Variants in DNAH8 observed in about 807,000 individuals in gnomAD.
The protein encoded by DNAH8 is axonemal beta dynein heavy chain 8.
In DNAH8, 382 loss-of-function variants were observed where a neutral mutation model predicts 562.1. That is an observed-to-expected ratio of 0.68 (90% CI 0.63 to 0.74). DNAH8 has a LOEUF of 0.74. DNAH8 is among the 30% of genes least tolerant of loss of function. DNAH8 has a pLI of 0.00. For missense variants in DNAH8, 5,203 were observed against 5,620.4 expected, an observed-to-expected ratio of 0.93 and a Z score of 2.37; for synonymous variants, 1,881 against 1,919.4, an observed-to-expected ratio of 0.98 and a Z score of 0.52.
rs1170029977 is a variant in DNAH8 at position 38,917,221 on chromosome 6, C to T, written c.10141-18C>T. On this transcript the variant is annotated intron_variant, in intron 68 of 92. Transcript: ENST00000327475. The stretch of plus-strand genomic sequence containing the variant: ...ACCACTCAACAAACAAAATATTGAT[C>T]CTTAATCCCAAATATAGACTATCAA... 6.5e-7 allele frequency: 1 copy of T among 1,538,838 alleles called. No individual in the cohort carries two copies. Among genetic ancestry groups the T allele is most frequent in the East Asian group, 2.3e-5 (1 of 43,200 alleles).
intron 28 of DNAH8, among the ~76,000 whole-genome samples, chr6:38,825,345 A>G (rs1773222997): frequency 6.6e-6 from 1 of 152,038 alleles, no homozygotes; most frequent in Non-Finnish European, 1.5e-5. Context: ...AGGGGTACTG[A>G]GAGGTAAAAG....
rs151265531 is a variant in DNAH8 at position 38,897,142 on chromosome 6, G to C, written c.8940+917G>C. On this transcript the variant is annotated intron_variant, in intron 60 of 92. Coordinates refer to ENST00000327475, the MANE Select transcript of DNAH8 (RefSeq NM_001206927.2). ...CGGCCTCCCAAATTCTGGAGTGACA[G>C]GCGTGAGCCACCATGCCCGGCTGAT... Among the ~76,000 whole-genome samples, 12 of 152,292 alleles carry C rather than the reference G, an allele frequency of 7.9e-5. No homozygotes were observed. The East Asian group carries it at 2.3e-3, about 29-fold the overall frequency.
chr6:38,777,897 G>A (rs1768223948), intron 13 of DNAH8, among the ~76,000 whole-genome samples: 1 of 152,176 alleles, frequency 6.6e-6, no homozygotes, highest in Admixed American at 6.5e-5. Context: ...AAAGAAAAAT[G>A]CTTGTAAGGG....
intron 67 of DNAH8, 57 bp downstream of exon 67, chr6:38,914,009 T>C (rs1781104209): frequency 1.5e-6 from 2 of 1,342,450 alleles, no homozygotes; most frequent in East Asian, 2.4e-5. Context: ...TTAAAATGCA[T>C]TGTTTTAAAA....
chr6:38,928,899 A>C (rs1782317937), intron 74 of DNAH8, among the ~76,000 whole-genome samples: 1 of 152,200 alleles, frequency 6.6e-6, no homozygotes, highest in Non-Finnish European at 1.5e-5. Context: ...AAACGCATTA[A>C]TCTAAACACG....
chr6:38,791,657 A>G lies in DNAH8; in HGVS notation c.2884A>G (p.Met962Val), dbSNP rs781382055. ...PESGATKVEDMLTLNETYTKE... is the reference protein window; with the variant it reads ...PESGATKVEDVLTLNETYTKE... ...AAGTGGTGCTACCAAAGTAGAAGAT[A>G]TGTTGACCCTCAATGAGGTATGCAT... Residue 962 changes from methionine (M) to valine (V), a missense_variant, in exon 21 of 93, where the codon ATG (methionine) becomes GTG (valine). Transcript: ENST00000327475. 8.1e-6 allele frequency: 13 copies of G among 1,613,728 alleles called. No homozygotes were observed. In the South Asian group the frequency reaches 1.3e-4, roughly 16 times the overall value.
At chr6:39,004,365 A>T (rs1765669678) in intron 88 of DNAH8, among the ~76,000 whole-genome samples, 2 of 152,188 alleles carry the variant, frequency 1.3e-5, no homozygotes, top group African/African-American at 4.8e-5. Flanking sequence ...TTTATACTAT[A>T]ATGCTTATTT....
chr6:39,018,312 G>C (rs1054905364), intron 91 of DNAH8, among the ~76,000 whole-genome samples: 2 of 152,154 alleles, frequency 1.3e-5, no homozygotes, highest in African/African-American at 2.4e-5. Context: ...TGCTGAAGCT[G>C]CTCTCTCCAC....
intron 88 of DNAH8, among the ~76,000 whole-genome samples, chr6:39,004,558 G>A (rs1583551363): frequency 6.6e-6 from 1 of 152,104 alleles, no homozygotes; most frequent in African/African-American, 2.4e-5. Context: ...GCTTTTATGA[G>A]ATGTAATCTG....
chr6:38,746,739 G>T (rs1461674884), intron 8 of DNAH8, among the ~76,000 whole-genome samples: 1 of 152,122 alleles, frequency 6.6e-6, no homozygotes, highest in African/African-American at 2.4e-5. Context: ...GACCAGCCTG[G>T]CCGGTATGGC....
At chr6:38,716,007 G>A (rs1329734610) in intron 1 of DNAH8, among the ~76,000 whole-genome samples, 1 of 130,464 alleles carries the variant, frequency 7.7e-6, no homozygotes, top group African/African-American at 3.2e-5. Context: ...CGCCCAGGCT[G>A]GAGTGCAGTG....
chr6:38,838,945 T>G (rs1215498187), intron 33 of DNAH8, among the ~76,000 whole-genome samples: 1 of 152,236 alleles, frequency 6.6e-6, no homozygotes, highest in African/African-American at 2.4e-5. Flanking sequence ...TTATGTTGAC[T>G]TCCTTCAAAG....
chr6:38,987,546 C>G (rs1366357289), intron 87 of DNAH8, among the ~76,000 whole-genome samples: 1 of 152,188 alleles, frequency 6.6e-6, no homozygotes, highest in African/African-American at 2.4e-5. Context: ...TCATCTGATT[C>G]TGGTTTCTCT....
chr6:38,921,326 G>A lies in DNAH8; in HGVS notation c.10525-43G>A, dbSNP rs370368378. On this transcript the variant is annotated intron_variant, in intron 70 of 92. Transcript: ENST00000327475. Reference sequence around the variant, plus strand: ...TTATCTACCAGTTACAATCATGACTGTTTCATGCAGCTAATACACTAACCA... The same window carrying A: ...TTATCTACCAGTTACAATCATGACTATTTCATGCAGCTAATACACTAACCA... 3.1e-5 allele frequency: 49 copies of A among 1,594,306 alleles called. No homozygotes were observed. In the African/African-American group the frequency reaches 5.5e-4, roughly 18 times the overall value.
intron 3 of DNAH8, among the ~76,000 whole-genome samples, chr6:38,729,389 C>A (rs1252922430): frequency 1.3e-5 from 2 of 152,172 alleles, no homozygotes; most frequent in African/African-American, 4.8e-5. Context: ...ATTACACTGA[C>A]TCCTAAGTAA....
chr6:38,987,346 T>C (rs1243756117), intron 87 of DNAH8, among the ~76,000 whole-genome samples: 1 of 152,176 alleles, frequency 6.6e-6, no homozygotes, highest in Non-Finnish European at 1.5e-5. Context: ...ATTTGGCATT[T>C]TGGGCCACAG....
chr6:38,937,170 CAG>C (rs1027704519), intron 77 of DNAH8, among the ~76,000 whole-genome samples: 6 of 151,470 alleles, frequency 4.0e-5, no homozygotes, highest in African/African-American at 1.5e-4. Context: ...CACATGGACA[CAG>C]GGAGGGGAAC....
intron 4 of DNAH8, among the ~76,000 whole-genome samples, chr6:38,733,639 G>A (rs1198433911): frequency 2.0e-5 from 3 of 152,198 alleles, no homozygotes; most frequent in Non-Finnish European, 4.4e-5. Flanking sequence ...AGCTGGGCAC[G>A]GTGGCTCACG....
At chr6:38,870,354 G>C (rs1719571531) in intron 48 of DNAH8, 47 bp from the exon 49 acceptor site, 3 of 1,574,772 alleles carry the variant, frequency 1.9e-6, no homozygotes, top group Admixed American at 3.4e-5. Flanking sequence ...GCTGATAAAT[G>C]TTTGTTGACT....
Sources: allele counts gnomAD v4.1 joint callset (sites outside exome capture counted in the v4.1 genomes callset), GRCh38; gene constraint gnomAD v4.1.1; transcripts MANE v1.5; gene names NCBI Gene and HGNC (gene_info 2026-07-23, HGNC 2026-07-21).